Variants in KLF12 observed in about 807,000 individuals in gnomAD.
KLF12 encodes KLF transcription factor 12.
Under a neutral mutation model 37.8 loss-of-function variants are expected in KLF12, and 9 were observed. The observed-to-expected ratio is 0.24, with a 90% CI of 0.14 to 0.42. KLF12 has a LOEUF of 0.42. Among genes scored for constraint, KLF12 ranks in the 10% least tolerant of loss-of-function variants. The probability of loss-of-function intolerance (pLI) is 1.00; values close to 1 mark genes in which losing one functional copy is unlikely to be tolerated. For missense variants in KLF12, 411 were observed against 516.0 expected, an observed-to-expected ratio of 0.80 and a Z score of 1.97; for synonymous variants, 208 against 202.1, an observed-to-expected ratio of 1.03 and a Z score of -0.25.
rs557225663 is a variant in KLF12 at position 73,826,268 on chromosome 13, T to G, written c.671-12981A>C. Among the ~76,000 whole-genome samples, 19 of 152,270 alleles carry G rather than the reference T, an allele frequency of 1.2e-4. 1 individual carries two copies. Among genetic ancestry groups the G allele is most frequent in the Admixed American group, 3.9e-4 (6 of 15,286 alleles). On this transcript the variant is annotated intron_variant, in intron 4 of 7. Transcript: ENST00000377669. The stretch of plus-strand genomic sequence containing the variant: ...GATTACAGTCATGAGCCACCACGCC[T>G]GGCCCTTCAGCATTTTTATTTATCT...
the KLF12 span, among the ~76,000 whole-genome samples, chr13:74,192,933 T>C: frequency 6.6e-6 from 1 of 151,894 alleles, no homozygotes; most frequent in Admixed American, 6.6e-5. Context: ...TACACAGGTA[T>C]CCTTAGAATC....
the KLF12 span, among the ~76,000 whole-genome samples, chr13:74,231,931 G>C: frequency 6.6e-6 from 1 of 152,158 alleles, no homozygotes; most frequent in Admixed American, 6.5e-5. Flanking sequence ...AAAATTGGCA[G>C]AGAGCATCTA....
chr13:74,286,560 CT>C, the KLF12 span, among the ~76,000 whole-genome samples: 5 of 152,108 alleles, frequency 3.3e-5, no homozygotes, highest in Non-Finnish European at 7.3e-5. Context: ...TCCATGCAGT[CT>C]TTTTTTAAAA....
chr13:73,989,103 A>T (rs1566495239), intron 2 of KLF12, among the ~76,000 whole-genome samples: 1 of 152,208 alleles, frequency 6.6e-6, no homozygotes, highest in Non-Finnish European at 1.5e-5. Flanking sequence ...AAGGTTACTT[A>T]TTCAAAATGG....
At chr13:74,182,631 G>A in the KLF12 span, among the ~76,000 whole-genome samples, 2 of 152,226 alleles carry the variant, frequency 1.3e-5, no homozygotes, top group African/African-American at 2.4e-5. Context: ...ACAGTGTGCA[G>A]AAGAAAGAAG....
intron 1 of KLF12, among the ~76,000 whole-genome samples, chr13:74,019,113 A>G (rs1892774874): frequency 6.6e-6 from 1 of 152,228 alleles, no homozygotes; most frequent in Admixed American, 6.5e-5. Context: ...ATGGGGACTC[A>G]CAATTGAGGC....
chr13:74,252,797 C>G, the KLF12 span, among the ~76,000 whole-genome samples: 1 of 152,196 alleles, frequency 6.6e-6, no homozygotes, highest in African/African-American at 2.4e-5. Context: ...TCCTTTTCTT[C>G]CTTCCCTTCT....
upstream of KLF12, among the ~76,000 whole-genome samples, chr13:74,135,381 G>C (rs1878509654): frequency 6.6e-6 from 1 of 151,990 alleles, no homozygotes; most frequent in South Asian, 2.1e-4. Flanking sequence ...GCCCCAAGAA[G>C]CGGACGGCCC....
At chr13:74,031,111 A>C in intron 1 of KLF12, among the ~76,000 whole-genome samples, 1 of 152,110 alleles carries the variant, frequency 6.6e-6, no homozygotes. Context: ...GCCATTTGCT[A>C]TTTCTTCTAG....
chr13:74,245,744 G>A, the KLF12 span, among the ~76,000 whole-genome samples: 48 of 152,120 alleles, frequency 3.2e-4, no homozygotes, highest in Non-Finnish European at 6.8e-4. Context: ...TTTCACTAAG[G>A]ATAGTCACCT....
intron 6 of KLF12, among the ~76,000 whole-genome samples, chr13:73,717,826 CA>C (rs947613083): frequency 1.1e-4 from 16 of 152,142 alleles, no homozygotes; most frequent in Non-Finnish European, 5.9e-5. Context: ...TTACTCCTGA[CA>C]AGGTATATTT....
rs371471414 is a variant in KLF12, at chr13:73,919,460, C to T, written c.123+24521G>A. On this transcript the variant is annotated intron_variant, in intron 3 of 7. Coordinates refer to ENST00000377669, the MANE Select transcript of KLF12 (RefSeq NM_007249.5). ...GCTGATCTTGATACAGGAAAGAACA[C>T]TGTCTTTCTCTAAATCCTAAATCTA... 8.2e-4 allele frequency among the ~76,000 whole-genome samples: 125 copies of T among 152,294 alleles called. 4 individuals carry two copies. The South Asian group carries it at 0.024, about 29-fold the overall frequency.
chr13:74,205,282 A>G, the KLF12 span, among the ~76,000 whole-genome samples: 1 of 152,158 alleles, frequency 6.6e-6, no homozygotes, highest in Non-Finnish European at 1.5e-5. Context: ...AAATGGCAAC[A>G]TTTTATAGCA....
At chr13:73,938,275 T>G (rs767407242) in intron 3 of KLF12, among the ~76,000 whole-genome samples, 1 of 152,214 alleles carries the variant, frequency 6.6e-6, no homozygotes, top group African/African-American at 2.4e-5. Flanking sequence ...TAAATAGGTT[T>G]ACTGAGGAAA....
At chr13:73,954,146 T>A (rs934138496) in intron 2 of KLF12, among the ~76,000 whole-genome samples, 6 of 151,824 alleles carry the variant, frequency 4.0e-5, no homozygotes, top group African/African-American at 1.4e-4. Context: ...GCCTGGCTAA[T>A]TTTTTGTATT....
At chr13:74,094,411 T>C (rs1395125571) in intron 1 of KLF12, among the ~76,000 whole-genome samples, 1 of 152,154 alleles carries the variant, frequency 6.6e-6, no homozygotes. Context: ...TGCATTTTCC[T>C]TTACATATCA....
At chr13:73,715,028 C>G (rs988791893) in intron 7 of KLF12, among the ~76,000 whole-genome samples, 13 of 152,060 alleles carry the variant, frequency 8.5e-5, no homozygotes, top group African/African-American at 2.9e-4. Context: ...GGATAAAATA[C>G]TAACTTTAAG....
rs529915494 is a variant in KLF12 at position 73,741,264 on chromosome 13, A to G, written c.869+23674T>C. On this transcript the variant is annotated intron_variant, in intron 6 of 7. Transcript: ENST00000377669. The stretch of plus-strand genomic sequence containing the variant: ...GAGGAAGCACGACTGGAAAGCTCAC[A>G]TAAGCTCTGCCGTGGCAACCCACGA... Among the ~76,000 whole-genome samples, 4 of 152,282 alleles carry G rather than the reference A, an allele frequency of 2.6e-5. No individual in the cohort carries two copies. The South Asian group carries it at 8.3e-4, about 32-fold the overall frequency.
At chr13:74,000,096 G>T (rs1052858963) in intron 1 of KLF12, among the ~76,000 whole-genome samples, 5 of 152,126 alleles carry the variant, frequency 3.3e-5, no homozygotes, top group Non-Finnish European at 7.4e-5. Flanking sequence ...TTAAAAAAGA[G>T]AATGTGTATA....
Sources: gnomAD v4.1 joint callset for allele counts (sites outside exome capture counted in the v4.1 genomes callset) on GRCh38, gnomAD v4.1.1 for gene constraint, MANE v1.5 for transcripts, NCBI Gene and HGNC (gene_info 2026-07-23, HGNC 2026-07-21) for gene names.